PCDH15: variants seen among roughly 807,000 people sequenced by gnomAD.
PCDH15 encodes protocadherin related 15, also known as protocadherin-15.
Under a neutral mutation model 178.5 loss-of-function variants are expected in PCDH15, and 129 were observed. The ratio of observed to expected loss-of-function variants is 0.72; its 90% CI spans 0.63 to 0.84. The LOEUF is 0.84. Among genes scored for constraint, PCDH15 ranks in the 40% least tolerant of loss-of-function variants. PCDH15 has a pLI of 0.00. For synonymous variants in PCDH15, 800 were observed against 732.0 expected (o/e 1.09, Z -1.50); for missense variants, 2,230 against 2,099.9 (o/e 1.06, Z -1.21).
At chr10:55,126,509 T>C (rs188209396) in intron 2 of PCDH15, among the ~76,000 whole-genome samples, 64 of 152,194 alleles carry the variant, frequency 4.2e-4, no homozygotes, top group Admixed American at 4.1e-3. Context: ...TCTTCTTTTT[T>C]GGTGAATGGT....
intron 25 of PCDH15, among the ~76,000 whole-genome samples, chr10:53,935,207 CAAATTGGTCTTCAA>C (rs1214682284): frequency 6.6e-6 from 1 of 152,062 alleles, no homozygotes; most frequent in Admixed American, 6.5e-5. Flanking sequence ...GTTATCCAGT[CAAATTGGTCTTCAA>C]TGTTAAAGCC....
chr10:55,052,519 C>T (rs1291841905), intron 2 of PCDH15, among the ~76,000 whole-genome samples: 4 of 640 alleles, frequency 6.3e-3, no homozygotes, highest in Admixed American at 0.015. Context: ...GGCAACATGG[C>T]GAAAACCCCG....
At chr10:54,193,536 C>A (rs1554832878) in intron 11 of PCDH15, among the ~76,000 whole-genome samples, 1 of 152,050 alleles carries the variant, frequency 6.6e-6, no homozygotes, top group African/African-American at 2.4e-5. Context: ...AGTAGATCTA[C>A]AAAATACATT....
At chr10:55,513,218 T>C (rs911553187) in intron 2 of PCDH15, 1 of 152,110 alleles carries the variant, frequency 6.6e-6, no homozygotes, top group African/African-American at 2.4e-5. Context: ...ATGAAAAGGC[T>C]AGTGTTTTCT....
chr10:54,402,918 C>G (rs1295092425), intron 3 of PCDH15, among the ~76,000 whole-genome samples: 3 of 151,956 alleles, frequency 2.0e-5, no homozygotes, highest in Non-Finnish European at 4.4e-5. Context: ...TTGCACATCT[C>G]TCACCTTAAA....
chr10:55,458,232 T>G (rs1839596805), intron 2 of PCDH15, among the ~76,000 whole-genome samples: 1 of 152,020 alleles, frequency 6.6e-6, no homozygotes, highest in African/African-American at 2.4e-5. Flanking sequence ...TGACATTGAT[T>G]TGTGAATATC....
intron 2 of PCDH15, among the ~76,000 whole-genome samples, chr10:54,571,333 G>A (rs1198077546): frequency 4.7e-5 from 6 of 128,590 alleles, no homozygotes; most frequent in South Asian, 2.5e-4. Context: ...GACAAAATTT[G>A]AAAAAAAAAA....
At chr10:55,275,965 T>C (rs988500604) in intron 1 of PCDH15, among the ~76,000 whole-genome samples, 1 of 151,362 alleles carries the variant, frequency 6.6e-6, no homozygotes, top group African/African-American at 2.4e-5. Context: ...TAATTTATTT[T>C]CATAAAATAT....
At chr10:54,462,522 T>C (rs372706514) in intron 3 of PCDH15, among the ~76,000 whole-genome samples, 2 of 128,138 alleles carry the variant, frequency 1.6e-5, no homozygotes, top group South Asian at 2.7e-4. Flanking sequence ...CTTTTTTTTT[T>C]TTTTTTTTTT....
intron 2 of PCDH15, among the ~76,000 whole-genome samples, chr10:55,489,962 A>G (rs1439251003): frequency 6.6e-6 from 1 of 151,702 alleles, no homozygotes; most frequent in Non-Finnish European, 1.5e-5. Context: ...AAACTCAAAA[A>G]TTGTTTTTCT....
rs535119655 is a variant in PCDH15, at chr10:54,360,385, T to C, written c.474+8735A>G. On this transcript the variant is annotated intron_variant, in intron 5 of 37. Coordinates refer to ENST00000644397, the MANE Select transcript of PCDH15 (RefSeq NM_001384140.1). Reference sequence around the variant, plus strand: ...CTCCCATCTTTTTGGCTGAAGCACCTGATTAAATCCTTCTTTTCTGGCAAT... The same window carrying C: ...CTCCCATCTTTTTGGCTGAAGCACCCGATTAAATCCTTCTTTTCTGGCAAT... Among the ~76,000 whole-genome samples the C allele has an allele frequency of 2.6e-5, 4 of 152,206 alleles. No individual in the cohort carries two copies. In the South Asian group the frequency reaches 8.3e-4, roughly 32 times the overall value.
At chr10:53,911,360 C>T (rs909771108) in intron 25 of PCDH15, among the ~76,000 whole-genome samples, 8 of 152,174 alleles carry the variant, frequency 5.3e-5, no homozygotes, top group African/African-American at 1.9e-4. Flanking sequence ...TGAACGACTA[C>T]TGGGTAAATA....
intron 2 of PCDH15, among the ~76,000 whole-genome samples, chr10:55,595,404 A>G (rs570400960): frequency 2.0e-5 from 3 of 152,166 alleles, no homozygotes; most frequent in Admixed American, 6.5e-5. Flanking sequence ...CCTCATTTCA[A>G]AAGACTAAAG....
At chr10:55,229,591 T>G (rs1422259272) in intron 1 of PCDH15, among the ~76,000 whole-genome samples, 1 of 152,050 alleles carries the variant, frequency 6.6e-6, no homozygotes, top group East Asian at 1.9e-4. Context: ...TGAACAACTA[T>G]GTCCATTATT....
At chr10:55,307,124 T>C (rs981428508) in intron 1 of PCDH15, among the ~76,000 whole-genome samples, 1 of 152,000 alleles carries the variant, frequency 6.6e-6, no homozygotes, top group Admixed American at 6.6e-5. Context: ...ATATATAACT[T>C]TTATATTCTT....
chr10:54,751,554 G>A (rs561031749), intron 1 of PCDH15, among the ~76,000 whole-genome samples: 13 of 152,150 alleles, frequency 8.5e-5, no homozygotes, highest in South Asian at 2.1e-4. Context: ...CCTTAAAACC[G>A]TCTAGTTCAA....
chr10:54,170,845 C>T (rs1308373437), intron 13 of PCDH15, among the ~76,000 whole-genome samples: 1 of 151,926 alleles, frequency 6.6e-6, no homozygotes, highest in African/African-American at 2.4e-5. Flanking sequence ...TCCTTTCCAT[C>T]GTGGAAATCT....
chr10:54,663,643 C>A (rs908725445), intron 2 of PCDH15, among the ~76,000 whole-genome samples: 5 of 149,962 alleles, frequency 3.3e-5, no homozygotes, highest in African/African-American at 1.2e-4. Context: ...AATCAAATAC[C>A]AAATCAAATA....
intron 8 of PCDH15, among the ~76,000 whole-genome samples, chr10:54,316,230 T>C (rs16905888): frequency 0.2 from 31,156 of 152,004 alleles, 3,251 homozygotes; most frequent in Admixed American, 0.23. Flanking sequence ...CTCAGCTATT[T>C]TAGATCTGCT....
Sources: gnomAD v4.1 joint callset for allele counts (sites outside exome capture counted in the v4.1 genomes callset) on GRCh38, gnomAD v4.1.1 for gene constraint, MANE v1.5 for transcripts, NCBI Gene and HGNC (gene_info 2026-07-23, HGNC 2026-07-21) for gene names.